Variants in RIT2 observed in about 807,000 individuals in gnomAD.
The protein encoded by RIT2 is Ras like without CAAX 2.
In RIT2, 24 loss-of-function variants were observed where a neutral mutation model predicts 23.7. That is an observed-to-expected ratio of 1.01 (90% confidence interval 0.73 to 1.43). RIT2 has a LOEUF of 1.43. RIT2 is among the 40% of genes most tolerant of loss of function. The probability of loss-of-function intolerance (pLI) is 0.00; values close to 1 mark genes in which losing one functional copy is unlikely to be tolerated. For missense variants in RIT2, 236 were observed against 266.9 expected (o/e 0.88, Z 0.81); for synonymous variants, 107 against 91.1 (o/e 1.17, Z -0.99).
At chr18:42,938,775 C>G (rs1434482147) in intron 3 of RIT2, among the ~76,000 whole-genome samples, 1 of 152,096 alleles carries the variant, frequency 6.6e-6, no homozygotes, top group African/African-American at 2.4e-5. Flanking sequence ...ATCTTGCTCT[C>G]TTGCCCAGGG....
chr18:43,024,784 CT>C (rs924515399), intron 2 of RIT2, among the ~76,000 whole-genome samples: 16 of 148,550 alleles, frequency 1.1e-4, no homozygotes, highest in Admixed American at 4.7e-4. Context: ...CATAAAAAGA[CT>C]TTTTTTTTTC....
At chr18:42,753,001 C>T (rs537047830) in intron 4 of RIT2, among the ~76,000 whole-genome samples, 3 of 152,168 alleles carry the variant, frequency 2.0e-5, no homozygotes, top group Admixed American at 6.5e-5. Flanking sequence ...CCTTTTTCAC[C>T]GAAGAAGATC....
chr18:42,865,404 C>T (rs866532924), intron 4 of RIT2, among the ~76,000 whole-genome samples: 60 of 152,118 alleles, frequency 3.9e-4, no homozygotes, highest in South Asian at 6.2e-4. Context: ...TCTCCTGTGG[C>T]CTTCACATGG....
chr18:42,990,717 C>A (rs1488640269), intron 2 of RIT2, among the ~76,000 whole-genome samples: 1 of 152,164 alleles, frequency 6.6e-6, no homozygotes, highest in Non-Finnish European at 1.5e-5. Context: ...GTGTCTAGCA[C>A]TCTGCTCAGT....
chr18:42,935,895 G>A (rs1233866116), intron 3 of RIT2, among the ~76,000 whole-genome samples: 1 of 151,960 alleles, frequency 6.6e-6, no homozygotes, highest in Admixed American at 6.6e-5. Flanking sequence ...GAAGGATTTG[G>A]CCTGTGGCCA....
chr18:42,814,046 G>T (rs562725238), intron 4 of RIT2, among the ~76,000 whole-genome samples: 2 of 152,328 alleles, frequency 1.3e-5, no homozygotes, highest in Non-Finnish European at 2.9e-5. Context: ...AGGGGTAGAG[G>T]AAGCAGTGGG....
chr18:43,032,705 A>G (rs906098370), intron 2 of RIT2, among the ~76,000 whole-genome samples: 10 of 151,914 alleles, frequency 6.6e-5, no homozygotes, highest in African/African-American at 2.2e-4. Flanking sequence ...TACTAAATCT[A>G]TCTAATCGAT....
At chr18:43,006,734 T>C (rs1004830714) in intron 2 of RIT2, among the ~76,000 whole-genome samples, 13 of 151,342 alleles carry the variant, frequency 8.6e-5, no homozygotes, top group Non-Finnish European at 3.0e-5. Context: ...AAAATATTAA[T>C]AATAGTAACC....
intron 4 of RIT2, chr18:42,920,861 A>T: frequency 1.2e-6 from 1 of 809,174 alleles, no homozygotes; most frequent in Non-Finnish European, 2.1e-6. Context: ...GTTTAACTTT[A>T]TCACTCTAGG....
intron 2 of RIT2, among the ~76,000 whole-genome samples, chr18:43,027,722 T>TC (rs1911766034): frequency 1.3e-5 from 2 of 152,156 alleles, no homozygotes; most frequent in Admixed American, 1.3e-4. Context: ...CAGAGCACCA[T>TC]TAAAAGCCTA....
At chr18:42,828,003 C>CAAAAAAAA (rs200737336) in intron 4 of RIT2, among the ~76,000 whole-genome samples, 32 of 51,578 alleles carry the variant, frequency 6.2e-4, no homozygotes, top group Non-Finnish European at 8.0e-4. Flanking sequence ...GACTCCGTCT[C>CAAAAAAAA]AAAAAAAAAA....
At chr18:42,927,736 A>G (rs919872847) in intron 3 of RIT2, among the ~76,000 whole-genome samples, 1 of 152,046 alleles carries the variant, frequency 6.6e-6, no homozygotes, top group African/African-American at 2.4e-5. Context: ...ATAAAATGCT[A>G]CAAATATAAG....
chr18:42,803,282 C>G (rs1241141818), intron 4 of RIT2, among the ~76,000 whole-genome samples: 1 of 152,170 alleles, frequency 6.6e-6, no homozygotes, highest in African/African-American at 2.4e-5. Context: ...ATATTATCCA[C>G]AGAAAGGAAC....
intron 3 of RIT2, among the ~76,000 whole-genome samples, chr18:42,940,236 C>CCA (rs10650068): frequency 5.7e-5 from 5 of 86,990 alleles, no homozygotes; most frequent in African/African-American, 2.2e-4. Context: ...GAAAGGCTCA[C>CCA]TATATATATA....
In RIT2 at chr18:42,743,298, C is replaced by T; in HGVS notation, c.*195G>A. 1 of 589,222 alleles carries T rather than the reference C, an allele frequency of 1.7e-6. No individual in the cohort carries two copies. The highest frequency in any genetic ancestry group is 2.8e-5 in the East Asian group (1 of 35,342). The allele number at this position is 589,222 out of a possible 1,614,324, so 36.5% of individuals were successfully genotyped here. A position where few individuals can be genotyped will look rare whatever the true frequency, so the allele number is the denominator to read the frequency against. On this transcript the variant is annotated 3_prime_UTR_variant, in exon 5 of 5. Coordinates refer to ENST00000326695, the MANE Select transcript of RIT2 (RefSeq NM_002930.4). ...CTAAACAGCATATCCAGCTGATTGA[C>T]AAAATCCATCCAACTGTTAAAGGCA...
At chr18:42,933,512 C>T (rs978036011) in intron 3 of RIT2, among the ~76,000 whole-genome samples, 13 of 152,070 alleles carry the variant, frequency 8.5e-5, no homozygotes, top group Non-Finnish European at 1.3e-4. Flanking sequence ...ATCGTGGAGG[C>T]GGTTACCTCC....
At chr18:43,060,454 T>TA (rs1429090980) in intron 1 of RIT2, among the ~76,000 whole-genome samples, 9 of 152,086 alleles carry the variant, frequency 5.9e-5, no homozygotes, top group African/African-American at 2.2e-4. Context: ...AAATTGCACT[T>TA]ACAGTTAAAA....
At chr18:42,943,079 A>T (rs1265737300) in intron 3 of RIT2, among the ~76,000 whole-genome samples, 1 of 152,062 alleles carries the variant, frequency 6.6e-6, no homozygotes, top group Non-Finnish European at 1.5e-5. Flanking sequence ...GAGGGAAAGA[A>T]CAAAGCTCCT....
intron 4 of RIT2, among the ~76,000 whole-genome samples, chr18:42,836,811 C>T (rs1043432849): frequency 6.6e-6 from 1 of 152,142 alleles, no homozygotes; most frequent in Non-Finnish European, 1.5e-5. Context: ...TTAAGTACAT[C>T]ACAGTTTTTA....
Sources: allele counts gnomAD v4.1 joint callset (sites outside exome capture counted in the v4.1 genomes callset), GRCh38; gene constraint gnomAD v4.1.1; transcripts MANE v1.5; gene names NCBI Gene and HGNC (gene_info 2026-07-23, HGNC 2026-07-21).